PTPN12: variants seen among roughly 807,000 people sequenced by gnomAD.
PTPN12 encodes protein tyrosine phosphatase non-receptor type 12, also known as tyrosine-protein phosphatase non-receptor type 12.
In PTPN12, 29 loss-of-function variants were observed where a neutral mutation model predicts 97.6. That is an observed-to-expected ratio of 0.30 (90% CI 0.22 to 0.41). The LOEUF is 0.41. Ranked by LOEUF, PTPN12 falls within the 10% of genes least tolerant of loss-of-function variation. The probability of loss-of-function intolerance (pLI) is 1.00; values close to 1 mark genes in which losing one functional copy is unlikely to be tolerated. For synonymous variants in PTPN12, 327 were observed against 300.4 expected (o/e 1.09, Z -0.91); for missense variants, 819 against 926.0 (o/e 0.88, Z 1.50).
chr7:77,620,479 A>G (rs1194338761), intron 12 of PTPN12, among the ~76,000 whole-genome samples: 1 of 152,216 alleles, frequency 6.6e-6, no homozygotes, highest in Non-Finnish European at 1.5e-5. Context: ...CCAGAATGTC[A>G]TTATTTTTGA....
chr7:77,577,895 AATG>A (rs754375591), intron 2 of PTPN12, among the ~76,000 whole-genome samples: 10 of 152,176 alleles, frequency 6.6e-5, no homozygotes, highest in Non-Finnish European at 1.2e-4. Flanking sequence ...CCAGCTGTTG[AATG>A]ATTGGGGATA....
At chr7:77,587,711 G>C (rs1787736715) in intron 5 of PTPN12, among the ~76,000 whole-genome samples, 1 of 152,224 alleles carries the variant, frequency 6.6e-6, no homozygotes. Context: ...GAAAATCCTA[G>C]ATGGCATCTT....
At chr7:77,632,152 A>G (rs1259134968) in intron 13 of PTPN12, among the ~76,000 whole-genome samples, 196 bp from the exon 14 acceptor site, 2 of 152,220 alleles carry the variant, frequency 1.3e-5, no homozygotes, top group Admixed American at 6.5e-5. Context: ...GGAGAGAGTC[A>G]TTTCTGTATA....
intron 11 of PTPN12, among the ~76,000 whole-genome samples, chr7:77,615,780 A>T (rs114566090): frequency 6.6e-6 from 1 of 152,196 alleles, no homozygotes; most frequent in Non-Finnish European, 1.5e-5. Flanking sequence ...AGCAAGTTGT[A>T]TACATGACAA....
chr7:77,565,678 A>G (rs753872763), intron 1 of PTPN12, among the ~76,000 whole-genome samples: 28 of 152,234 alleles, frequency 1.8e-4, no homozygotes, highest in Non-Finnish European at 3.8e-4. Context: ...GTCACATTGC[A>G]TGTGATTTTG....
At chr7:77,624,344 A>G (rs1002857512) in intron 12 of PTPN12, among the ~76,000 whole-genome samples, 1 of 152,166 alleles carries the variant, frequency 6.6e-6, no homozygotes, top group Non-Finnish European at 1.5e-5. Context: ...TGTCATTTTA[A>G]TATGATCAGT....
At chr7:77,581,625 C>T in intron 3 of PTPN12, 122 bp downstream of exon 3, 2 of 495,484 alleles carry the variant, frequency 4.0e-6, no homozygotes, top group Non-Finnish European at 7.0e-6. Flanking sequence ...AAAAATAAAG[C>T]CACTGCCCTG....
At position 77,546,257 on chromosome 7, in the gene PTPN12, C is replaced by T. The variant is rs141161951; in HGVS notation, c.99+8612C>T. ...CAGAAGCAAAAATGTGATTAATTCT[C>T]ACCTTCTAGAATAAATATTTTAGCA... On this transcript the variant is annotated intron_variant, in intron 1 of 17. Transcript: ENST00000248594. 6.5e-3 allele frequency among the ~76,000 whole-genome samples: 992 copies of T among 152,338 alleles called. 7 individuals carry two copies. Among genetic ancestry groups the T allele is most frequent in the Middle Eastern group, 0.037 (11 of 294 alleles).
chr7:77,573,195 AAGC>A (rs996665291), intron 2 of PTPN12, among the ~76,000 whole-genome samples: 28 of 152,074 alleles, frequency 1.8e-4, no homozygotes, highest in African/African-American at 6.8e-4. Context: ...ACCAATCATT[AAGC>A]TTTTGCAAAA....
chr7:77,604,415 A>C (rs991097423), intron 8 of PTPN12, among the ~76,000 whole-genome samples: 11 of 150,612 alleles, frequency 7.3e-5, no homozygotes, highest in Non-Finnish European at 1.0e-4. Flanking sequence ...GGGATTCTCC[A>C]TGTTTGTCAG....
In PTPN12 at chr7:77,638,618, A is replaced by G. The variant is rs2151415681; in HGVS notation, c.2174-6A>G. 2 of 1,582,674 alleles carry G rather than the reference A, an allele frequency of 1.3e-6. No individual in the cohort carries two copies. The highest frequency in any genetic ancestry group is 8.6e-7 in the Non-Finnish European group (1 of 1,168,238). On this transcript the variant is annotated splice_polypyrimidine_tract_variant and splice_region_variant and intron_variant, in intron 16 of 17. Coordinates refer to ENST00000248594, the MANE Select transcript of PTPN12 (RefSeq NM_002835.4). ...TGATTAACAAAGGCTTTGTGTTGCT[A>G]CTTAGATCATCCAGCGGGAGGTATT... is the stretch of plus-strand genomic sequence containing the variant.
intron 2 of PTPN12, among the ~76,000 whole-genome samples, chr7:77,575,726 C>T (rs1317955255): frequency 1.3e-5 from 2 of 152,220 alleles, no homozygotes; most frequent in Middle Eastern, 3.4e-3. Flanking sequence ...TTTCCATCAC[C>T]CCTAAAAGAT....
intron 12 of PTPN12, among the ~76,000 whole-genome samples, chr7:77,618,828 A>G (rs1204730936): frequency 1.3e-5 from 2 of 152,220 alleles, no homozygotes; most frequent in Non-Finnish European, 2.9e-5. Context: ...GATATGTGAT[A>G]TAACTAAAAT....
chr7:77,547,015 G>A (rs550320711), intron 1 of PTPN12, among the ~76,000 whole-genome samples: 36 of 152,314 alleles, frequency 2.4e-4, no homozygotes, highest in African/African-American at 8.2e-4. Context: ...TTTGGGAAGT[G>A]TGCTAATATC....
intron 15 of PTPN12, among the ~76,000 whole-genome samples, chr7:77,636,424 T>A (rs993282308): frequency 1.3e-5 from 2 of 151,796 alleles, no homozygotes; most frequent in Non-Finnish European, 2.9e-5. Flanking sequence ...TCTACAAAAA[T>A]TTTTAAAATT....
At chr7:77,547,598 A>G (rs1006524282) in intron 1 of PTPN12, among the ~76,000 whole-genome samples, 27 of 152,176 alleles carry the variant, frequency 1.8e-4, no homozygotes, top group African/African-American at 6.0e-4. Context: ...AAGATAATAT[A>G]TGTAAAGTTT....
At chr7:77,548,362 AAAGG>A (rs1432542137) in intron 1 of PTPN12, among the ~76,000 whole-genome samples, 1 of 152,226 alleles carries the variant, frequency 6.6e-6, no homozygotes, top group Non-Finnish European at 1.5e-5. Context: ...CCAACGTGAG[AAAGG>A]AAGGGAGTTC....
At chr7:77,615,957 A>G (rs141914930) in intron 11 of PTPN12, among the ~76,000 whole-genome samples, 117 of 152,292 alleles carry the variant, frequency 7.7e-4, no homozygotes, top group African/African-American at 2.7e-3. Flanking sequence ...GCATTGTCAC[A>G]TTGATTCCTT....
At chr7:77,555,821 A>G (rs1346563688) in intron 1 of PTPN12, among the ~76,000 whole-genome samples, 1 of 151,944 alleles carries the variant, frequency 6.6e-6, no homozygotes, top group African/African-American at 2.4e-5. Context: ...AGGCTGAGGC[A>G]GGAGAATGTC....
Sources: allele counts gnomAD v4.1 joint callset (sites outside exome capture counted in the v4.1 genomes callset), GRCh38; gene constraint gnomAD v4.1.1; transcripts MANE v1.5; gene names NCBI Gene and HGNC (gene_info 2026-07-23, HGNC 2026-07-21).